EYA3: variants seen among roughly 807,000 people sequenced by gnomAD.
EYA3 encodes the protein EYA transcriptional coactivator and phosphatase 3.
A neutral mutation model predicts 80.0 loss-of-function variants in EYA3; 39 were observed. That is an observed-to-expected ratio of 0.49 (90% CI 0.38 to 0.64). The LOEUF (loss-of-function observed/expected upper bound fraction) is 0.64, where lower values mean the gene tolerates loss of function less well. EYA3 is among the 30% of genes least tolerant of loss of function. The pLI is 0.00. For missense variants in EYA3, 523 were observed against 676.1 expected (o/e 0.77, Z 2.51); for synonymous variants, 206 against 232.8 (o/e 0.88, Z 1.05).
At chr1:28,025,560 G>T (rs555080256) in intron 7 of EYA3, among the ~76,000 whole-genome samples, 1 of 152,150 alleles carries the variant, frequency 6.6e-6, no homozygotes, top group Non-Finnish European at 1.5e-5. Flanking sequence ...TGAGGATTAC[G>T]TGTGCAACAT....
chr1:28,039,807 G>C (rs753193858), intron 4 of EYA3, among the ~76,000 whole-genome samples: 3 of 151,972 alleles, frequency 2.0e-5, no homozygotes, highest in Non-Finnish European at 4.4e-5. Flanking sequence ...TATTGTTTGA[G>C]GTATTTAAAA....
chr1:28,077,189 C>T (rs1325027795), intron 1 of EYA3, among the ~76,000 whole-genome samples: 1 of 150,658 alleles, frequency 6.6e-6, no homozygotes, highest in Admixed American at 6.6e-5. Context: ...CTGCAACCTC[C>T]GCCTCCTGGA....
At chr1:28,088,049 C>A (rs1167042091) in intron 1 of EYA3, among the ~76,000 whole-genome samples, 4 of 152,116 alleles carry the variant, frequency 2.6e-5, no homozygotes, top group Admixed American at 2.6e-4. Flanking sequence ...AGGATCAAAG[C>A]TGAAGAAAGT....
chr1:28,009,105 C>T lies in EYA3; in HGVS notation c.909+1842G>A, dbSNP rs1641506261. 6.6e-6 allele frequency among the ~76,000 whole-genome samples: 1 copy of T among 152,044 alleles called. No individual in the cohort carries two copies. Among genetic ancestry groups the T allele is most frequent in the South Asian group, 2.1e-4 (1 of 4,836 alleles). On this transcript the variant is annotated intron_variant, in intron 10 of 17. Coordinates refer to ENST00000373871, the MANE Select transcript of EYA3 (RefSeq NM_001990.4). The surrounding 1 kb of genome is among the most constrained non-coding windows in gnomAD (Gnocchi z 4.8). Reference sequence around the variant, plus strand: ...TGGTGGTTTCTCAAAAAGTGGAGCACAGAATTACAATAGCATCCAGCAATT... The same window carrying T: ...TGGTGGTTTCTCAAAAAGTGGAGCATAGAATTACAATAGCATCCAGCAATT...
intron 1 of EYA3, among the ~76,000 whole-genome samples, chr1:28,070,704 TGA>T: frequency 1.3e-5 from 2 of 152,340 alleles, no homozygotes; most frequent in African/African-American, 4.8e-5. Context: ...GCCTCTCTAA[TGA>T]AAGTGTTACA....
chr1:28,047,937 C>T lies in EYA3; in HGVS notation c.77+446G>A, dbSNP rs147390453. Among the ~76,000 whole-genome samples the T allele has an allele frequency of 3.8e-4, 58 of 152,294 alleles. 1 individual carries two copies. The East Asian group carries it at 0.01, about 26-fold the overall frequency. ...TACAGGCGTGAGCGACCGTGCCAGG[C>T]GCAAGCTTCCTCTTTTCTATAAGAG... is the stretch of plus-strand genomic sequence containing the variant. On this transcript the variant is annotated intron_variant, in intron 3 of 17. Transcript: ENST00000373871.
intron 2 of EYA3, among the ~76,000 whole-genome samples, chr1:28,051,117 A>G (rs1644230630): frequency 6.6e-6 from 1 of 152,210 alleles, no homozygotes; most frequent in Admixed American, 6.5e-5. Context: ...TAGGACAGTA[A>G]TACAAGCTGC....
chr1:28,069,787 A>T (rs953356750), intron 1 of EYA3, among the ~76,000 whole-genome samples: 3 of 152,358 alleles, frequency 2.0e-5, no homozygotes, highest in Middle Eastern at 3.4e-3. Flanking sequence ...TATTTGGAAA[A>T]ACAGTCTTTG....
rs189760302 is a variant in EYA3 at position 27,984,856 on chromosome 1, A to G, written c.1540+3679T>C. 6.7e-4 allele frequency among the ~76,000 whole-genome samples: 102 copies of G among 152,276 alleles called. 1 individual carries two copies. The highest frequency in any genetic ancestry group is 1.1e-3 in the Non-Finnish European group (73 of 68,012). ...ACAAACCTCCTCTAAAGAGTTGTATAGTTCCCTTCTCCAACTCTCCTTCCA... is the reference window on the plus strand; with the variant it reads ...ACAAACCTCCTCTAAAGAGTTGTATGGTTCCCTTCTCCAACTCTCCTTCCA... On this transcript the variant is annotated intron_variant, in intron 16 of 17. Transcript: ENST00000373871.
At position 27,981,637 on chromosome 1, in the gene EYA3, C is replaced by A. The variant is rs57771235; in HGVS notation, c.1541-3163G>T. 2.0e-4 allele frequency among the ~76,000 whole-genome samples: 30 copies of A among 151,998 alleles called. No homozygotes were observed. In the East Asian group the frequency reaches 5.8e-3, roughly 29 times the overall value. ...TCTACAAAAAATAGGAAAAGTTAGG[C>A]ATGGCGGTGTGCATCTATAATCCCA... On this transcript the variant is annotated intron_variant, in intron 16 of 17. Transcript: ENST00000373871.
chr1:27,982,005 ATT>A (rs553550162), intron 16 of EYA3, among the ~76,000 whole-genome samples: 115 of 133,136 alleles, frequency 8.6e-4, no homozygotes, highest in African/African-American at 1.2e-3. Context: ...CACCTGGCTA[ATT>A]TTTTTTTTTT....
intron 8 of EYA3, 62 bp downstream of exon 8, chr1:28,017,092 A>C (rs1642119107): frequency 1.4e-6 from 2 of 1,416,330 alleles, no homozygotes; most frequent in Non-Finnish European, 9.9e-7. Flanking sequence ...TTGACCATGG[A>C]AAGAAGAAAG....
Position 27,993,455 on chromosome 1 carries a change from A to G in EYA3, c.1248T>C (p.Ala416=). 1 of 1,613,450 alleles carries G rather than the reference A, an allele frequency of 6.2e-7. No individual in the cohort carries two copies. The highest frequency in any genetic ancestry group is 8.5e-7 in the Non-Finnish European group (1 of 1,179,746). ...TTTCTCTCACTTTCCGGTAGCGGAA[A>G]GCTAGTTTCCTCATCCAGTCCACAC... ...QGGVDWMRKL[A]FRYRKVREIY... is the part of the protein sequence containing the mutation. Residue 416 remains alanine, a synonymous_variant, in exon 14 of 18, where the codon GCT becomes GCC. Transcript: ENST00000373871.
At chr1:28,065,039 C>G (rs1046441756) in intron 1 of EYA3, among the ~76,000 whole-genome samples, 1 of 152,120 alleles carries the variant, frequency 6.6e-6, no homozygotes, top group African/African-American at 2.4e-5. Context: ...CAGTAGTCTC[C>G]CCTTCCAAGG....
intron 12 of EYA3, chr1:27,998,331 G>T (rs1466695835): frequency 1.0e-6 from 1 of 985,400 alleles, no homozygotes; most frequent in Non-Finnish European, 1.2e-6. Flanking sequence ...AGAACTTTCA[G>T]TTCCTGAGTG....
At chr1:28,061,153 C>A (rs1363063196) in intron 1 of EYA3, among the ~76,000 whole-genome samples, 2 of 152,212 alleles carry the variant, frequency 1.3e-5, no homozygotes, top group African/African-American at 2.4e-5. Context: ...CCCCGGGATT[C>A]TACTGGCAAC....
At chr1:28,059,237 A>C (rs1182798434) in intron 1 of EYA3, among the ~76,000 whole-genome samples, 1 of 152,242 alleles carries the variant, frequency 6.6e-6, no homozygotes, top group African/African-American at 2.4e-5. Context: ...TTAGATGCAA[A>C]GTTGTCCAAC....
chr1:28,049,642 A>C (rs991420050), intron 2 of EYA3, among the ~76,000 whole-genome samples: 4 of 152,164 alleles, frequency 2.6e-5, no homozygotes, highest in Non-Finnish European at 4.4e-5. Context: ...AGACTGTGAC[A>C]AAAAAATCTA....
chr1:28,042,953 T>C (rs1385584225), intron 3 of EYA3, among the ~76,000 whole-genome samples: 1 of 152,082 alleles, frequency 6.6e-6, no homozygotes, highest in African/African-American at 2.4e-5. Context: ...CAAGCAATTC[T>C]CCTGCCTCAG....
Sources: allele counts gnomAD v4.1 joint callset (sites outside exome capture counted in the v4.1 genomes callset), GRCh38; gene constraint gnomAD v4.1.1; non-coding constraint Gnocchi (gnomAD v3.1); transcripts MANE v1.5; gene names NCBI Gene and HGNC (gene_info 2026-07-23, HGNC 2026-07-21).